The following CRTAC1 variants were observed in gnomAD, a reference collection of about 807,000 sequenced individuals.
CRTAC1 encodes acidic secreted protein in cartilage.
In CRTAC1, 37 loss-of-function variants were observed where a neutral mutation model predicts 67.8. The observed-to-expected ratio is 0.55, with a 90% CI of 0.42 to 0.72. The LOEUF (loss-of-function observed/expected upper bound fraction) is 0.72, where lower values mean the gene tolerates loss of function less well. CRTAC1 is among the 30% of genes least tolerant of loss of function. The probability of loss-of-function intolerance (pLI) is 0.00; values close to 1 mark genes in which losing one functional copy is unlikely to be tolerated. For missense variants in CRTAC1, 780 were observed against 931.6 expected, an observed-to-expected ratio of 0.84 and a Z score of 2.12; for synonymous variants, 348 against 371.0, an observed-to-expected ratio of 0.94 and a Z score of 0.71.
intron 5 of CRTAC1, among the ~76,000 whole-genome samples, chr10:97,911,334 C>A (rs1360342425): frequency 1.3e-5 from 2 of 152,244 alleles, no homozygotes; most frequent in Non-Finnish European, 2.9e-5. Flanking sequence ...ATTTCTAAAT[C>A]TTTCTAATTA....
intron 2 of CRTAC1, among the ~76,000 whole-genome samples, chr10:97,953,359 G>A (rs1242350668): frequency 6.6e-6 from 1 of 152,104 alleles, no homozygotes; most frequent in Non-Finnish European, 1.5e-5. Flanking sequence ...AAACCAGCCA[G>A]TATCTTTTGA....
At chr10:98,007,615 C>T (rs998091864) in intron 2 of CRTAC1, among the ~76,000 whole-genome samples, 4 of 152,128 alleles carry the variant, frequency 2.6e-5, no homozygotes, top group Non-Finnish European at 5.9e-5. Context: ...ATCCAGCAGC[C>T]TAAGCTTTCT....
chr10:97,950,918 G>C (rs1326768793), intron 2 of CRTAC1, among the ~76,000 whole-genome samples: 1 of 152,194 alleles, frequency 6.6e-6, no homozygotes, highest in Non-Finnish European at 1.5e-5. Flanking sequence ...GCTGAGAGGA[G>C]GGTGTGAAGT....
At chr10:98,025,803 C>T (rs2136710271) in intron 1 of CRTAC1, among the ~76,000 whole-genome samples, 1 of 152,348 alleles carries the variant, frequency 6.6e-6, no homozygotes, top group African/African-American at 2.4e-5. Context: ...AGGAAGGCTT[C>T]TCCCAGCAGA....
At chr10:97,991,099 C>CCAAA (rs1554932158) in intron 2 of CRTAC1, among the ~76,000 whole-genome samples, 2 of 17,980 alleles carry the variant, frequency 1.1e-4, no homozygotes, top group African/African-American at 3.8e-4. Context: ...ACCATCTCTA[C>CCAAA]AAAAAAAAAA....
chr10:97,879,254 G>A (rs111477821), intron 14 of CRTAC1, among the ~76,000 whole-genome samples: 2,509 of 152,200 alleles, frequency 0.016, 42 homozygotes, highest in Non-Finnish European at 0.026. Flanking sequence ...TCTAGCACAG[G>A]AAGTCAGGGG....
intron 2 of CRTAC1, among the ~76,000 whole-genome samples, chr10:97,972,210 G>T (rs1427070113): frequency 6.6e-6 from 1 of 152,190 alleles, no homozygotes; most frequent in African/African-American, 2.4e-5. Context: ...TTTACTTCCA[G>T]ACCCTGAGCA....
intron 11 of CRTAC1, among the ~76,000 whole-genome samples, chr10:97,889,699 C>T (rs1157046709): frequency 6.6e-6 from 1 of 152,150 alleles, no homozygotes; most frequent in Non-Finnish European, 1.5e-5. Context: ...TACACACTCA[C>T]ATACATGTCC....
chr10:97,940,266 C>T (rs573743307), intron 2 of CRTAC1, among the ~76,000 whole-genome samples: 3 of 152,344 alleles, frequency 2.0e-5, no homozygotes, highest in Admixed American at 6.5e-5. Flanking sequence ...TGCCCACTAT[C>T]ACTCTGCTGG....
chr10:98,011,281 C>G lies in CRTAC1; in HGVS notation c.81G>C (p.Gly27=). 2 of 1,614,158 alleles carry G rather than the reference C, an allele frequency of 1.2e-6. No homozygotes were observed. Among genetic ancestry groups the G allele is most frequent in the South Asian group, 2.2e-5 (2 of 91,086 alleles). The change falls in exon 2 of 15, where the codon GGG becomes GGC. Residue 27 remains glycine (G), a synonymous_variant. Coordinates refer to ENST00000370597, the MANE Select transcript of CRTAC1 (RefSeq NM_018058.7). Reference sequence around the variant, plus strand: ...TGAACATGGGTTCAGCCCGCTGGGACCCCTCAGTGATGGGCAGAAACCAGA... The same window carrying G: ...TGAACATGGGTTCAGCCCGCTGGGAGCCCTCAGTGATGGGCAGAAACCAGA... ...LLLWFLPITE[G]SQRAEPMFTA...
intron 2 of CRTAC1, among the ~76,000 whole-genome samples, chr10:97,989,425 C>G (rs577275363): frequency 6.6e-6 from 1 of 152,270 alleles, no homozygotes; most frequent in East Asian, 1.9e-4. Context: ...ACATAAACTG[C>G]CTACTACACA....
At chr10:97,918,931 G>A (rs935174031) in intron 4 of CRTAC1, among the ~76,000 whole-genome samples, 15 of 151,686 alleles carry the variant, frequency 9.9e-5, no homozygotes, top group African/African-American at 2.7e-4. Flanking sequence ...TTACAGGCAC[G>A]CACCACCACT....
chr10:97,928,663 G>A (rs558129618), intron 3 of CRTAC1, among the ~76,000 whole-genome samples: 1 of 152,268 alleles, frequency 6.6e-6, no homozygotes, highest in African/African-American at 2.4e-5. Context: ...GGATGGAAGA[G>A]TCGCTGTGAT....
intron 2 of CRTAC1, among the ~76,000 whole-genome samples, chr10:97,985,220 C>T (rs1372299843): frequency 1.3e-5 from 2 of 152,104 alleles, no homozygotes; most frequent in Non-Finnish European, 2.9e-5. Context: ...AAATTTGAAC[C>T]ATAGCTAAGC....
intron 6 of CRTAC1, 91 bp downstream of exon 6, chr10:97,907,922 G>A: frequency 7.1e-7 from 1 of 1,410,750 alleles, no homozygotes; most frequent in Non-Finnish European, 9.8e-7. Flanking sequence ...AGCCAGAAGA[G>A]ACTATCCTGG....
chr10:97,912,637 G>A (rs1271388871), intron 5 of CRTAC1, among the ~76,000 whole-genome samples: 3 of 152,182 alleles, frequency 2.0e-5, no homozygotes, highest in Non-Finnish European at 4.4e-5. Context: ...GGGAGGGAGG[G>A]TGTGCATGCA....
In CRTAC1 at chr10:97,895,028, C is replaced by T. The variant is rs1204150216; in HGVS notation, c.1486+217G>A. Among the ~76,000 whole-genome samples the T allele has an allele frequency of 6.6e-6, 1 of 151,868 alleles. No homozygotes were observed. Among genetic ancestry groups the T allele is most frequent in the Non-Finnish European group, 1.5e-5 (1 of 67,970 alleles). On this transcript the variant is annotated intron_variant, in intron 11 of 14. Transcript: ENST00000370597. The surrounding 1 kb of genome is among the most constrained non-coding windows in gnomAD (Gnocchi z 4.2). ...CCACAGAGGCACTGGGGTGGGGACT[C>T]CAGCAAGTGAGATGCATGAAAATCT...
At chr10:97,984,026 A>C (rs2051940381) in intron 2 of CRTAC1, among the ~76,000 whole-genome samples, 1 of 152,220 alleles carries the variant, frequency 6.6e-6, no homozygotes, top group South Asian at 2.1e-4. Context: ...CTTATTTTAG[A>C]TTTCAGCCCA....
chr10:97,894,124 G>T (rs1404195277), intron 11 of CRTAC1, among the ~76,000 whole-genome samples: 1 of 152,150 alleles, frequency 6.6e-6, no homozygotes, highest in East Asian at 1.9e-4. Flanking sequence ...TATGATAGCT[G>T]GGTCATAGGG....
Sources: allele counts gnomAD v4.1 joint callset (sites outside exome capture counted in the v4.1 genomes callset), GRCh38; gene constraint gnomAD v4.1.1; non-coding constraint Gnocchi (gnomAD v3.1); transcripts MANE v1.5; gene names NCBI Gene and HGNC (gene_info 2026-07-23, HGNC 2026-07-21).